The following C8orf34 variants were observed in gnomAD, a reference collection of about 807,000 sequenced individuals.
The protein encoded by C8orf34 is uncharacterized protein C8orf34.
C8orf34 carries 65 observed loss-of-function variants against 68.3 expected under a neutral mutation model. The ratio of observed to expected loss-of-function variants is 0.95; its 90% CI spans 0.78 to 1.17. The LOEUF (loss-of-function observed/expected upper bound fraction) is 1.17, where lower values mean the gene tolerates loss of function less well. C8orf34 is among the 50% of genes most tolerant of loss of function. C8orf34 has a pLI of 0.00. For missense variants in C8orf34, 664 were observed against 655.4 expected, an observed-to-expected ratio of 1.01 and a Z score of -0.14; for synonymous variants, 244 against 241.2, an observed-to-expected ratio of 1.01 and a Z score of -0.11.
At chr8:68,647,357 A>C (rs1436398788) in intron 8 of C8orf34, among the ~76,000 whole-genome samples, 1 of 152,222 alleles carries the variant, frequency 6.6e-6, no homozygotes, top group Non-Finnish European at 1.5e-5. Flanking sequence ...TGGAGGAAAA[A>C]TAATATAGCC....
chr8:68,472,818 T>C (rs373643825), intron 4 of C8orf34, among the ~76,000 whole-genome samples: 71 of 152,304 alleles, frequency 4.7e-4, no homozygotes, highest in African/African-American at 1.3e-3. Context: ...AGATATTTTA[T>C]ATTCTTTTTC....
intron 7 of C8orf34, among the ~76,000 whole-genome samples, chr8:68,565,739 C>T (rs144247004): frequency 6.6e-6 from 1 of 152,170 alleles, no homozygotes; most frequent in Non-Finnish European, 1.5e-5. Context: ...CTAGATTTAT[C>T]CTTTTATTTC....
At chr8:68,546,436 G>A (rs901910578) in intron 7 of C8orf34, among the ~76,000 whole-genome samples, 1 of 151,230 alleles carries the variant, frequency 6.6e-6, no homozygotes, top group Non-Finnish European at 1.5e-5. Context: ...TCAATAGGAA[G>A]ACAAAACAAT....
chr8:68,793,258 CA>C (rs1824067113), intron 12 of C8orf34, among the ~76,000 whole-genome samples: 2 of 152,114 alleles, frequency 1.3e-5, no homozygotes, highest in Non-Finnish European at 2.9e-5. Context: ...GAATTTTCTT[CA>C]GTTAAAACTA....
Position 68,511,242 on chromosome 8 carries a change from C to T in C8orf34, c.766-10557C>T, listed in dbSNP as rs556698282. Among the ~76,000 whole-genome samples, 32 of 152,236 alleles carry T rather than the reference C, an allele frequency of 2.1e-4. No individual in the cohort carries two copies. In the Middle Eastern group the frequency reaches 0.01, roughly 49 times the overall value. ...CAATTTTTACTTCTATAGAATGGTG[C>T]GCCTCGTGGATGGAGCAATGGTGAG... On this transcript the variant is annotated intron_variant, in intron 5 of 13. Coordinates refer to ENST00000518698, the MANE Select transcript of C8orf34 (RefSeq NM_052958.4).
chr8:68,786,529 G>A (rs1823851137), intron 11 of C8orf34, among the ~76,000 whole-genome samples: 1 of 152,176 alleles, frequency 6.6e-6, no homozygotes, highest in South Asian at 2.1e-4. Context: ...GAGTAACTCT[G>A]CCTTGCAGGA....
chr8:68,671,582 C>A (rs1212060326), intron 8 of C8orf34, among the ~76,000 whole-genome samples: 1 of 152,084 alleles, frequency 6.6e-6, no homozygotes, highest in East Asian at 1.9e-4. Flanking sequence ...TCAGAAGAGC[C>A]CACATTGCAA....
At chr8:68,678,805 C>T (rs1820272423) in intron 8 of C8orf34, among the ~76,000 whole-genome samples, 1 of 150,384 alleles carries the variant, frequency 6.6e-6, no homozygotes, top group African/African-American at 2.5e-5. Context: ...GTTAAATTAT[C>T]CTTTTTTGCT....
chr8:68,416,246 C>T (rs1484114040), intron 1 of C8orf34, among the ~76,000 whole-genome samples: 3 of 152,150 alleles, frequency 2.0e-5, no homozygotes, highest in Non-Finnish European at 4.4e-5. Context: ...TAACAATCCT[C>T]ACTCGTGGCA....
chr8:68,673,048 G>A lies in C8orf34; in HGVS notation c.1241+32537G>A, dbSNP rs78598896. Among the ~76,000 whole-genome samples, 954 of 152,156 alleles carry A rather than the reference G, an allele frequency of 6.3e-3. 7 individuals are homozygous for A. Among genetic ancestry groups the A allele is most frequent in the South Asian group, 0.028 (137 of 4,810 alleles). On this transcript the variant is annotated intron_variant, in intron 8 of 13. Transcript: ENST00000518698. ...CAGGAGAGAACTCACTGCCTTGAAG[G>A]TAAGTACTTACTTCTGGTAGGATTA...
chr8:68,569,988 C>T (rs1239198709), intron 7 of C8orf34, among the ~76,000 whole-genome samples: 1 of 152,184 alleles, frequency 6.6e-6, no homozygotes, highest in African/African-American at 2.4e-5. Context: ...TCTTTGATTT[C>T]AGCCTTCCCC....
At chr8:68,351,578 T>C (rs1806515172) in intron 1 of C8orf34, among the ~76,000 whole-genome samples, 1 of 152,102 alleles carries the variant, frequency 6.6e-6, no homozygotes, top group African/African-American at 2.4e-5. Context: ...TTTCTCTCCC[T>C]CCCTTTCAGG....
At chr8:68,463,758 C>G (rs957098667) in intron 3 of C8orf34, among the ~76,000 whole-genome samples, 3 of 152,142 alleles carry the variant, frequency 2.0e-5, no homozygotes, top group African/African-American at 7.2e-5. Flanking sequence ...ATGCTAAAAG[C>G]TCTCAACAAA....
intron 1 of C8orf34, among the ~76,000 whole-genome samples, chr8:68,430,231 G>A (rs369608645): frequency 1.3e-5 from 2 of 152,062 alleles, no homozygotes; most frequent in African/African-American, 4.8e-5. Context: ...TCTTAGTTGG[G>A]GAACACATTT....
intron 8 of C8orf34, among the ~76,000 whole-genome samples, chr8:68,676,290 T>C (rs887026515): frequency 2.6e-5 from 4 of 152,120 alleles, no homozygotes; most frequent in African/African-American, 9.6e-5. Flanking sequence ...GCTGTGATCT[T>C]GCCACTGCAT....
intron 2 of C8orf34, among the ~76,000 whole-genome samples, chr8:68,441,829 G>A (rs1810922497): frequency 6.6e-6 from 1 of 152,182 alleles, no homozygotes; most frequent in South Asian, 2.1e-4. Flanking sequence ...GAGGAGTAGG[G>A]ATAATGTGGG....
intron 8 of C8orf34, among the ~76,000 whole-genome samples, chr8:68,648,394 G>C (rs1211622337): frequency 6.6e-6 from 1 of 152,150 alleles, no homozygotes; most frequent in African/African-American, 2.4e-5. Context: ...TAATATAACA[G>C]TTAAGATACC....
At chr8:68,666,902 CA>C (rs1246005978) in intron 8 of C8orf34, among the ~76,000 whole-genome samples, 1 of 152,084 alleles carries the variant, frequency 6.6e-6, no homozygotes, top group East Asian at 1.9e-4. Context: ...ATTTTCTTAT[CA>C]TCTTGCATAT....
chr8:68,390,298 C>T (rs909081071), intron 1 of C8orf34, among the ~76,000 whole-genome samples: 2 of 152,074 alleles, frequency 1.3e-5, no homozygotes, highest in Admixed American at 6.6e-5. Flanking sequence ...AACTGAGTTT[C>T]GTTTCCTGAG....
Sources: allele counts gnomAD v4.1 joint callset (sites outside exome capture counted in the v4.1 genomes callset), GRCh38; gene constraint gnomAD v4.1.1; transcripts MANE v1.5; gene names NCBI Gene and HGNC (gene_info 2026-07-23, HGNC 2026-07-21).